Variants in STXBP5L observed in about 807,000 individuals in gnomAD.
STXBP5L encodes syntaxin-binding protein 5-like.
Under a neutral mutation model 144.5 loss-of-function variants are expected in STXBP5L, and 65 were observed. The ratio of observed to expected loss-of-function variants is 0.45; its 90% CI spans 0.37 to 0.55. The LOEUF is 0.55. Among genes scored for constraint, STXBP5L ranks in the 20% least tolerant of loss-of-function variants. STXBP5L has a pLI of 0.00. For synonymous variants in STXBP5L, 505 were observed against 469.6 expected, an observed-to-expected ratio of 1.08 and a Z score of -0.97; for missense variants, 1,298 against 1,405.5, an observed-to-expected ratio of 0.92 and a Z score of 1.22.
At chr3:121,193,651 G>A (rs2047798725) in intron 9 of STXBP5L, among the ~76,000 whole-genome samples, 1 of 152,148 alleles carries the variant, frequency 6.6e-6, no homozygotes, top group Admixed American at 6.5e-5. Context: ...CATAAAAAAG[G>A]ATGAGTCCAT....
At chr3:121,054,955 C>A (rs1304033639) in intron 5 of STXBP5L, among the ~76,000 whole-genome samples, 4 of 152,018 alleles carry the variant, frequency 2.6e-5, no homozygotes, top group African/African-American at 7.2e-5. Flanking sequence ...AATGTTCTGG[C>A]CCCTTTTATG....
At chr3:121,123,527 A>G (rs1458020259) in intron 7 of STXBP5L, among the ~76,000 whole-genome samples, 3 of 151,520 alleles carry the variant, frequency 2.0e-5, no homozygotes, top group African/African-American at 7.2e-5. Flanking sequence ...CCACTTGAAC[A>G]TTGCCTTTAT....
At chr3:121,045,610 C>T (rs147400496) in intron 5 of STXBP5L, 75 bp downstream of exon 5, 6 of 1,316,166 alleles carry the variant, frequency 4.6e-6, no homozygotes, top group Middle Eastern at 1.9e-4. Context: ...GTTAACTTGA[C>T]AGGCTTTTTT....
At chr3:121,114,447 A>G (rs1268418486) in intron 5 of STXBP5L, among the ~76,000 whole-genome samples, 1 of 152,210 alleles carries the variant, frequency 6.6e-6, no homozygotes, top group Non-Finnish European at 1.5e-5. Flanking sequence ...ATGTATTTGA[A>G]GTAAATATTA....
At chr3:121,036,981 C>T (rs1946804408) in intron 3 of STXBP5L, among the ~76,000 whole-genome samples, 1 of 151,900 alleles carries the variant, frequency 6.6e-6, no homozygotes, top group South Asian at 2.1e-4. Flanking sequence ...GGCTTGAGTT[C>T]AGTGGCATGG....
chr3:121,195,642 G>A (rs1165030713), intron 9 of STXBP5L, among the ~76,000 whole-genome samples: 2 of 152,216 alleles, frequency 1.3e-5, no homozygotes, highest in Non-Finnish European at 2.9e-5. Flanking sequence ...GAATTAGTGT[G>A]TGTATGTGTA....
intron 5 of STXBP5L, among the ~76,000 whole-genome samples, chr3:121,104,452 C>CA (rs1182783676): frequency 1.3e-5 from 2 of 152,054 alleles, no homozygotes; most frequent in Non-Finnish European, 2.9e-5. Context: ...CAAGACTAAG[C>CA]AAAAAGAACA....
chr3:121,098,969 T>C (rs996126889), intron 5 of STXBP5L: 6 of 152,168 alleles, frequency 3.9e-5, no homozygotes, highest in Admixed American at 3.3e-4. Flanking sequence ...TTCTGGTGCA[T>C]TCTGGACTCC....
intron 3 of STXBP5L, among the ~76,000 whole-genome samples, chr3:121,037,511 C>T (rs1946845808): frequency 6.6e-6 from 1 of 151,976 alleles, no homozygotes; most frequent in Admixed American, 6.6e-5. Context: ...CTGCCTTGGC[C>T]TTATGAAGCA....
At chr3:121,027,857 C>G (rs1037577944) in intron 3 of STXBP5L, among the ~76,000 whole-genome samples, 8 of 152,096 alleles carry the variant, frequency 5.3e-5, no homozygotes, top group Non-Finnish European at 8.8e-5. Flanking sequence ...ACCTACTACA[C>G]TGATAGTCAC....
chr3:121,221,874 TA>T (rs879609263), intron 10 of STXBP5L, among the ~76,000 whole-genome samples: 22 of 147,696 alleles, frequency 1.5e-4, no homozygotes, highest in East Asian at 3.9e-4. Context: ...GAAGCTTTGT[TA>T]AAAAAAAAAC....
chr3:121,209,755 C>T (rs904261289), intron 10 of STXBP5L, among the ~76,000 whole-genome samples: 7 of 152,308 alleles, frequency 4.6e-5, no homozygotes, highest in South Asian at 2.1e-4. Context: ...CTACAAAGGA[C>T]GTGAACTCAT....
At chr3:121,246,958 A>G (rs2108352856) in intron 14 of STXBP5L, among the ~76,000 whole-genome samples, 1 of 152,304 alleles carries the variant, frequency 6.6e-6, no homozygotes, top group Admixed American at 6.5e-5. Context: ...GCCATGAGGT[A>G]ACTTTTTGGG....
chr3:120,960,553 T>G (rs1316695503), intron 3 of STXBP5L, among the ~76,000 whole-genome samples: 1 of 152,150 alleles, frequency 6.6e-6, no homozygotes, highest in Non-Finnish European at 1.5e-5. Flanking sequence ...ATATGACACA[T>G]ATACACCATG....
chr3:120,963,038 T>G (rs1378712450), intron 3 of STXBP5L, among the ~76,000 whole-genome samples: 1 of 152,240 alleles, frequency 6.6e-6, no homozygotes, highest in African/African-American at 2.4e-5. Flanking sequence ...TTTGTAGCCG[T>G]TGTAAATGGG....
At chr3:121,127,913 A>G (rs1005716141) in intron 7 of STXBP5L, among the ~76,000 whole-genome samples, 1 of 151,792 alleles carries the variant, frequency 6.6e-6, no homozygotes, top group Non-Finnish European at 1.5e-5. Flanking sequence ...ACCTAAAATA[A>G]TTTCCTCGTA....
chr3:120,989,180 C>A (rs1439225755), intron 3 of STXBP5L, among the ~76,000 whole-genome samples: 6 of 151,912 alleles, frequency 3.9e-5, no homozygotes, highest in Admixed American at 2.0e-4. Flanking sequence ...CGGTAGGTAC[C>A]CAGTAGTGGG....
Position 121,057,194 on chromosome 3 carries a change from A to G in STXBP5L, c.470+11659A>G, listed in dbSNP as rs184965097. ...AAAAGAAGCCGAAAGAAAACTTCAT[A>G]TATATTATTCCATTTTTGTATGCGT... On this transcript the variant is annotated intron_variant, in intron 5 of 26. Transcript: ENST00000471454. Among the ~76,000 whole-genome samples, 114 of 152,074 alleles carry G rather than the reference A, an allele frequency of 7.5e-4. 1 individual carries two copies. The highest frequency in any genetic ancestry group is 2.6e-3 in the African/African-American group (106 of 41,548).
At chr3:121,175,857 T>C (rs933601776) in intron 9 of STXBP5L, among the ~76,000 whole-genome samples, 9 of 140,438 alleles carry the variant, frequency 6.4e-5, no homozygotes, top group Middle Eastern at 3.7e-3. Context: ...AAGTTGACAG[T>C]AAAAAAAAAA....
Sources: gnomAD v4.1 joint callset for allele counts (sites outside exome capture counted in the v4.1 genomes callset) on GRCh38, gnomAD v4.1.1 for gene constraint, MANE v1.5 for transcripts, NCBI Gene and HGNC (gene_info 2026-07-23, HGNC 2026-07-21) for gene names.